Variants in TACC3 observed in about 807,000 individuals in gnomAD.
TACC3 encodes the protein transforming acidic coiled-coil-containing protein 3.
A neutral mutation model predicts 86.0 loss-of-function variants in TACC3; 52 were observed. That is an observed-to-expected ratio of 0.60 (90% confidence interval 0.48 to 0.76). The LOEUF is 0.76. Ranked by LOEUF, TACC3 falls within the 30% of genes least tolerant of loss-of-function variation. The probability of loss-of-function intolerance (pLI) is 0.00; values close to 1 mark genes in which losing one functional copy is unlikely to be tolerated. For synonymous variants in TACC3, 512 were observed against 430.0 expected (o/e 1.19, Z -2.36); for missense variants, 1,120 against 1,070.4 (o/e 1.05, Z -0.65).
intron 6 of TACC3, among the ~76,000 whole-genome samples, chr4:1,732,141 G>A (rs1453441167): frequency 6.6e-6 from 1 of 151,484 alleles, no homozygotes; most frequent in Non-Finnish European, 1.5e-5. Context: ...CTTGAATACG[G>A]TTTGTCTGTA....
rs144462438 is a variant in TACC3, at chr4:1,728,184, G to T, written c.782G>T (p.Gly261Val). Residue 261 changes from glycine (G) to valine (V), a missense_variant, in exon 4 of 16, where the codon GGA (glycine) becomes GTA (valine). Coordinates refer to ENST00000313288, the MANE Select transcript of TACC3 (RefSeq NM_006342.3). ...GGTGCAATCCCTAAGGAAGCCTGCGGAGGAGCACCCCTGCAGGGTCTGCCT... is the reference window on the plus strand; with the variant it reads ...GGTGCAATCCCTAAGGAAGCCTGCGTAGGAGCACCCCTGCAGGGTCTGCCT... Reference protein sequence around the residue: ...PPGAIPKEACGGAPLQGLPGE... With the variant: ...PPGAIPKEACVGAPLQGLPGE... The T allele has an allele frequency of 8.1e-6, 13 of 1,611,668 alleles. No individual in the cohort carries two copies. The highest frequency in any genetic ancestry group is 1.0e-5 in the Non-Finnish European group (12 of 1,179,532).
chr4:1,722,234 A>T (rs1717432205), intron 1 of TACC3, among the ~76,000 whole-genome samples: 1 of 152,092 alleles, frequency 6.6e-6, no homozygotes, highest in Non-Finnish European at 1.5e-5. Context: ...CTCCTGACTA[A>T]GGCTGGGTCT....
intron 6 of TACC3, 56 bp downstream of exon 6, chr4:1,731,357 C>T: frequency 6.3e-7 from 1 of 1,589,370 alleles, no homozygotes; most frequent in Non-Finnish European, 8.6e-7. Flanking sequence ...ATCCCGTGAG[C>T]ACTTGGGCAG....
rs771237315 is a variant in TACC3 at position 1,740,917 on chromosome 4, G to T, written c.2154G>T (p.Met718Ile). Residue 718 changes from methionine (M) to isoleucine (I), a missense_variant, in exon 13 of 16, where the codon ATG becomes ATT. Coordinates refer to ENST00000313288, the MANE Select transcript of TACC3 (RefSeq NM_006342.3). ...KDQLTTDLNSMEKSFSDLFKR... is the reference protein window; with the variant it reads ...KDQLTTDLNSIEKSFSDLFKR... Reference sequence around the variant, plus strand: ...AACTTACCACAGATCTGAACTCCATGGAGAAGTCCTTCTCCGACCTCTTCA... The same window carrying T: ...AACTTACCACAGATCTGAACTCCATTGAGAAGTCCTTCTCCGACCTCTTCA... The T allele has an allele frequency of 6.2e-7, 1 of 1,613,144 alleles. No homozygotes were observed.
Position 1,744,998 on chromosome 4 carries a change from G to C in TACC3, c.2502G>C (p.Lys834Asn). Residue 834 changes from lysine (K) to asparagine (N), a missense_variant, in exon 16 of 16, where the codon AAG becomes AAC. Coordinates refer to ENST00000313288, the MANE Select transcript of TACC3 (RefSeq NM_006342.3). ...LTRICDDLIS[K>N]MEKI ...GGATCTGCGACGACCTCATCTCCAA[G>C]ATGGAGAAGATCTGACCTCCACGGA... The C allele has an allele frequency of 6.2e-7, 1 of 1,609,130 alleles. No homozygotes were observed. The highest frequency in any genetic ancestry group is 8.5e-7 in the Non-Finnish European group (1 of 1,178,360).
chr4:1,733,759 C>G lies in TACC3; in HGVS notation c.1592-1514C>G, dbSNP rs941471094. On this transcript the variant is annotated intron_variant, in intron 6 of 15. Coordinates refer to ENST00000313288, the MANE Select transcript of TACC3 (RefSeq NM_006342.3). ...TTGGGAGGCTGAGGAGGGCGAATCA[C>G]CTGAGATCAAGAGTTTGAGATCAGC... is the stretch of plus-strand genomic sequence containing the variant. Among the ~76,000 whole-genome samples, 15 of 152,194 alleles carry G rather than the reference C, an allele frequency of 9.9e-5. 1 individual carries two copies. The highest frequency in any genetic ancestry group is 6.3e-3 in the Middle Eastern group (2 of 316).
rs757525947 is a variant in TACC3 at position 1,727,922 on chromosome 4, G to C, written c.520G>C (p.Val174Leu). The C allele has an allele frequency of 2.5e-6, 4 of 1,613,822 alleles. No homozygotes were observed. The Admixed American group carries it at 5.0e-5, about 20-fold the overall frequency. ...GAACCAAATGGTGTCTCCAGGAAAAGTGTCTGGCAGCCCTGAGCAAGCCGT... is the reference window on the plus strand; with the variant it reads ...GAACCAAATGGTGTCTCCAGGAAAACTGTCTGGCAGCCCTGAGCAAGCCGT... Reference protein sequence around the residue: ...SENQMVSPGKVSGSPEQAVEE... With the variant: ...SENQMVSPGKLSGSPEQAVEE... The change falls in exon 4 of 16, where the codon GTG becomes CTG. Residue 174 changes from valine to leucine, a missense_variant. By Grantham distance (32) the Val-to-Leu change is conservative. Transcript: ENST00000313288.
chr4:1,735,645 G>A lies in TACC3; in HGVS notation c.1645-86G>A. Reference sequence around the variant, plus strand: ...AGTGTGCGGGTGACCGGGGGTGGGAGTGTGCAGGTGACCTCCCTGGCCCTT... The same window carrying A: ...AGTGTGCGGGTGACCGGGGGTGGGAATGTGCAGGTGACCTCCCTGGCCCTT... On this transcript the variant is annotated intron_variant, in intron 7 of 15. Coordinates refer to ENST00000313288, the MANE Select transcript of TACC3 (RefSeq NM_006342.3). The surrounding 1 kb of genome is among the most constrained non-coding windows in gnomAD (Gnocchi z 4.2). 1.9e-6 allele frequency: 2 copies of A among 1,059,758 alleles called. No individual in the cohort carries two copies. The highest frequency in any genetic ancestry group is 2.4e-5 in the East Asian group (1 of 41,756). The allele number at this position is 1,059,758 out of a possible 1,614,324, so 65.6% of individuals were successfully genotyped here.
chr4:1,737,329 G>A lies in TACC3; in HGVS notation c.1836+1G>A. ...TTTCTTGGGAGCACTGGACATTCCT[G>A]TAAGTCCTTGAGTCCCTCTTGAACT... is the stretch of plus-strand genomic sequence containing the variant. On this transcript the variant is annotated splice_donor_variant, in intron 9 of 15. Transcript: ENST00000313288. LOFTEE classifies it high-confidence loss of function. 1 of 1,613,820 alleles carries A rather than the reference G, an allele frequency of 6.2e-7. No individual in the cohort carries two copies. The highest frequency in any genetic ancestry group is 8.5e-7 in the Non-Finnish European group (1 of 1,179,756).
rs146389434 is a variant in TACC3 at position 1,736,161 on chromosome 4, C to T, written c.1748+327C>T. Among the ~76,000 whole-genome samples, 231 of 152,314 alleles carry T rather than the reference C, an allele frequency of 1.5e-3. 4 individuals carry two copies. In the East Asian group the frequency reaches 0.029, roughly 19 times the overall value. On this transcript the variant is annotated intron_variant, in intron 8 of 15. Transcript: ENST00000313288. ...TCGGCAGGCCAGGCGCGGTGGCTTA[C>T]GCCTGTAATCCCAGCACTTTGGGAG...
At chr4:1,727,015 C>T (rs1401487054) in intron 3 of TACC3, among the ~76,000 whole-genome samples, 1 of 152,010 alleles carries the variant, frequency 6.6e-6, no homozygotes, top group Non-Finnish European at 1.5e-5. Flanking sequence ...CCTGTAATCC[C>T]AGCTACTTGG....
intron 6 of TACC3, among the ~76,000 whole-genome samples, chr4:1,731,584 C>G (rs1577214115): frequency 6.6e-6 from 1 of 152,208 alleles, no homozygotes; most frequent in Admixed American, 6.5e-5. Context: ...TAATGAGATA[C>G]AAGTGTAGAG....
intron 10 of TACC3, among the ~76,000 whole-genome samples, chr4:1,738,880 G>A (rs1223999696): frequency 6.6e-6 from 1 of 152,178 alleles, no homozygotes; most frequent in Non-Finnish European, 1.5e-5. Context: ...GTCAGAGCAG[G>A]TGACCGGGAT....
At position 1,737,831 on chromosome 4, in the gene TACC3, A is replaced by G. The variant is rs564204185; in HGVS notation, c.1941+129A>G. On this transcript the variant is annotated intron_variant, in intron 10 of 15. Coordinates refer to ENST00000313288, the MANE Select transcript of TACC3 (RefSeq NM_006342.3). Reference sequence around the variant, plus strand: ...CCCTGCCCCTGCTGGTTGGGGTGGAATTGCAGAGAGCTGCCGGCCCCTGGC... The same window carrying G: ...CCCTGCCCCTGCTGGTTGGGGTGGAGTTGCAGAGAGCTGCCGGCCCCTGGC... The G allele has an allele frequency of 4.2e-5, 39 of 925,874 alleles. No homozygotes were observed. The African/African-American group carries it at 5.6e-4, about 13-fold the overall frequency. 57.4% of individuals were successfully genotyped at this position (925,874 alleles called of 1,614,324 possible). A position where few individuals can be genotyped will look rare whatever the true frequency, so the allele number is the denominator to read the frequency against.
chr4:1,744,506 G>C lies in TACC3; in HGVS notation c.2224-12G>C, dbSNP rs368146001. 7.4e-6 allele frequency: 12 copies of C among 1,611,088 alleles called. No homozygotes were observed. The highest frequency in any genetic ancestry group is 7.6e-6 in the Non-Finnish European group (9 of 1,178,766). On this transcript the variant is annotated splice_polypyrimidine_tract_variant and intron_variant, in intron 13 of 15. Transcript: ENST00000313288. ...GGCGTGGTACCCACAGCTAATGCCT[G>C]CCCCTTCCTAGAACGAAGAGTCACT...
At chr4:1,741,167 C>G (rs1560325427) in intron 13 of TACC3, 181 bp downstream of exon 13, 1 of 540,594 alleles carries the variant, frequency 1.8e-6, no homozygotes, top group Non-Finnish European at 3.1e-6. Flanking sequence ...AGCTGGTTTG[C>G]GAGGCAGCTG....
In TACC3 at chr4:1,723,576, C is replaced by A; in HGVS notation, c.155C>A (p.Ala52Asp). ...ENVPPKNLAK[A>D]MKVTFQTPLR... ...GTGCCACCCAAGAACCTGGCCAAAG[C>A]TATGAAGGTAAGTGTGACCTGTACA... Residue 52 changes from alanine (A) to aspartate (D), a missense_variant, in exon 2 of 16, where the codon GCT becomes GAT. Coordinates refer to ENST00000313288, the MANE Select transcript of TACC3 (RefSeq NM_006342.3). 2 of 1,613,090 alleles carry A rather than the reference C, an allele frequency of 1.2e-6. No homozygotes were observed. Among genetic ancestry groups the A allele is most frequent in the Admixed American group, 3.3e-5 (2 of 59,980 alleles).
intron 6 of TACC3, among the ~76,000 whole-genome samples, chr4:1,733,987 A>AT (rs543365490): frequency 1.3e-5 from 2 of 151,978 alleles, no homozygotes; most frequent in Non-Finnish European, 2.9e-5. Flanking sequence ...AAAAAAAAAA[A>AT]AAAGAAAAGA....
chr4:1,734,849 C>A (rs1405862510), intron 6 of TACC3, among the ~76,000 whole-genome samples: 1 of 152,188 alleles, frequency 6.6e-6, no homozygotes, highest in East Asian at 1.9e-4. Flanking sequence ...TTTGTACAGA[C>A]AAGGTTTTGC....
Sources: gnomAD v4.1 joint callset for allele counts (sites outside exome capture counted in the v4.1 genomes callset) on GRCh38, gnomAD v4.1.1 for gene constraint, Gnocchi (gnomAD v3.1) non-coding constraint, MANE v1.5 for transcripts, NCBI Gene and HGNC (gene_info 2026-07-23, HGNC 2026-07-21) for gene names.